The following CSMD1 variants were observed in gnomAD, a reference collection of about 807,000 sequenced individuals.
CSMD1 encodes the protein CUB and sushi domain-containing protein 1.
In CSMD1, 213 loss-of-function variants were observed where a neutral mutation model predicts 417.5. The ratio of observed to expected loss-of-function variants is 0.51; its 90% CI spans 0.46 to 0.57. The LOEUF (loss-of-function observed/expected upper bound fraction) is 0.57. Among genes scored for constraint, CSMD1 ranks in the 20% least tolerant of loss-of-function variants. The pLI, the probability that CSMD1 is intolerant of heterozygous loss-of-function variation, is 0.00. For synonymous variants in CSMD1, 2,862 were observed against 1,736.8 expected, an observed-to-expected ratio of 1.65 and a Z score of -16.11; for missense variants, 6,923 against 4,529.7, an observed-to-expected ratio of 1.53 and a Z score of -15.17.
At chr8:4,523,053 G>A (rs771096072) in intron 2 of CSMD1, among the ~76,000 whole-genome samples, 4 of 152,186 alleles carry the variant, frequency 2.6e-5, no homozygotes, top group Non-Finnish European at 5.9e-5. Flanking sequence ...AAGCTCTGCA[G>A]AGCTGCAAAA....
intron 40 of CSMD1, among the ~76,000 whole-genome samples, chr8:3,145,036 T>G (rs1334029767): frequency 8.6e-6 from 1 of 116,608 alleles, no homozygotes; most frequent in African/African-American, 2.7e-5. Context: ...TAAACTAGAG[T>G]AAAGAGTTGT....
chr8:3,656,957 C>A (rs904380813), intron 7 of CSMD1, among the ~76,000 whole-genome samples: 1 of 151,666 alleles, frequency 6.6e-6, no homozygotes, highest in Non-Finnish European at 1.5e-5. Context: ...ATCAGAGACT[C>A]ACTTTGCAAG....
intron 5 of CSMD1, among the ~76,000 whole-genome samples, chr8:3,978,599 G>A (rs1419931408): frequency 1.3e-5 from 2 of 152,072 alleles, no homozygotes; most frequent in East Asian, 3.9e-4. Context: ...GAGGCATGTT[G>A]GGGGTAAATA....
chr8:3,441,151 G>A (rs971212795), intron 12 of CSMD1, among the ~76,000 whole-genome samples: 7 of 152,086 alleles, frequency 4.6e-5, no homozygotes, highest in African/African-American at 1.4e-4. Flanking sequence ...AGGAGCATAG[G>A]AGACACTGTA....
At chr8:4,403,617 C>T (rs1275851702) in intron 3 of CSMD1, among the ~76,000 whole-genome samples, 1 of 152,184 alleles carries the variant, frequency 6.6e-6, no homozygotes, top group African/African-American at 2.4e-5. Context: ...TCCCCCTTTT[C>T]ACCATCTGGT....
At chr8:3,745,438 G>C (rs543031701) in intron 6 of CSMD1, among the ~76,000 whole-genome samples, 2 of 152,296 alleles carry the variant, frequency 1.3e-5, no homozygotes, top group African/African-American at 4.8e-5. Context: ...TTACAAACAG[G>C]TGAGTAAATG....
chr8:3,664,920 G>A (rs1343121679), intron 7 of CSMD1, among the ~76,000 whole-genome samples: 2 of 151,840 alleles, frequency 1.3e-5, no homozygotes, highest in African/African-American at 4.8e-5. Flanking sequence ...ATTTCTCAGG[G>A]TTTCATTTTG....
chr8:4,551,845 A>G lies in CSMD1; in HGVS notation c.302+85497T>C, dbSNP rs957544751. Among the ~76,000 whole-genome samples, 2 of 141,222 alleles carry G rather than the reference A, an allele frequency of 1.4e-5. 1 individual carries two copies. Among genetic ancestry groups the G allele is most frequent in the Non-Finnish European group, 3.1e-5 (2 of 65,082 alleles). 92.6% of individuals were successfully genotyped at this position (141,222 alleles called of 152,430 possible). ...TGGCTTATGCCACTACACATGGCTA[A>G]TTTTTTGTATTTTTTTTTTTTTTGT... On this transcript the variant is annotated intron_variant, in intron 2 of 69. Coordinates refer to ENST00000635120, the MANE Select transcript of CSMD1 (RefSeq NM_033225.6).
rs895909025 is a variant in CSMD1 at position 4,042,120 on chromosome 8, A to G, written c.416-10021T>C. ...AGGGACAGAAAAAAAGAAGAAAAGG[A>G]AACAAATTACCTAAAAACTTCAAAA... is the stretch of plus-strand genomic sequence containing the variant. On this transcript the variant is annotated intron_variant, in intron 3 of 69. Coordinates refer to ENST00000635120, the MANE Select transcript of CSMD1 (RefSeq NM_033225.6). Among the ~76,000 whole-genome samples, 4 of 152,200 alleles carry G rather than the reference A, an allele frequency of 2.6e-5. No homozygotes were observed. The East Asian group carries it at 7.7e-4, about 29-fold the overall frequency.
chr8:3,836,217 ATTC>A (rs1343995943), intron 5 of CSMD1, among the ~76,000 whole-genome samples: 5 of 152,116 alleles, frequency 3.3e-5, no homozygotes, highest in Non-Finnish European at 5.9e-5. Context: ...GTCATCGGAC[ATTC>A]TTTAAATATC....
chr8:3,028,888 A>T (rs1352351919), intron 51 of CSMD1, among the ~76,000 whole-genome samples: 2 of 152,210 alleles, frequency 1.3e-5, no homozygotes, highest in African/African-American at 4.8e-5. Flanking sequence ...TTAACTGCTT[A>T]TCTTGTACCT....
chr8:3,730,970 T>C (rs1052745082), intron 6 of CSMD1, among the ~76,000 whole-genome samples: 2 of 152,134 alleles, frequency 1.3e-5, no homozygotes, highest in Admixed American at 1.3e-4. Flanking sequence ...GTGGGGAAAA[T>C]TTATTTCAAA....
intron 2 of CSMD1, among the ~76,000 whole-genome samples, chr8:4,425,088 A>T (rs1797469363): frequency 6.6e-6 from 1 of 152,092 alleles, no homozygotes; most frequent in South Asian, 2.1e-4. Flanking sequence ...TTTTACATAT[A>T]TATTCGCCTA....
At chr8:4,787,718 A>T in intron 1 of CSMD1, 1 of 1,591,094 alleles carries the variant, frequency 6.3e-7, no homozygotes. Flanking sequence ...GCTGCCAATA[A>T]TGACCCACAG....
chr8:3,784,770 G>C (rs6981297), intron 5 of CSMD1, among the ~76,000 whole-genome samples: 5 of 152,006 alleles, frequency 3.3e-5, no homozygotes, highest in African/African-American at 7.3e-5. Context: ...GATACAATTA[G>C]CAATTCCACT....
chr8:3,437,554 G>C (rs866709673), intron 12 of CSMD1, among the ~76,000 whole-genome samples: 1 of 152,110 alleles, frequency 6.6e-6, no homozygotes, highest in Non-Finnish European at 1.5e-5. Flanking sequence ...CGTATCCAGG[G>C]AAAAACTGGA....
intron 5 of CSMD1, among the ~76,000 whole-genome samples, chr8:3,801,369 T>C (rs1418971408): frequency 6.6e-6 from 1 of 152,032 alleles, no homozygotes; most frequent in Non-Finnish European, 1.5e-5. Context: ...ATGCTAAAGA[T>C]CATTAGTCAT....
At chr8:3,575,571 G>A (rs909985873) in intron 9 of CSMD1, among the ~76,000 whole-genome samples, 1 of 152,126 alleles carries the variant, frequency 6.6e-6, no homozygotes, top group Non-Finnish European at 1.5e-5. Context: ...TTTAAAAAAG[G>A]GTTTTGGAGC....
At chr8:3,778,601 T>TCTC (rs1436983395) in intron 5 of CSMD1, among the ~76,000 whole-genome samples, 2 of 152,192 alleles carry the variant, frequency 1.3e-5, no homozygotes, top group East Asian at 3.9e-4. Flanking sequence ...ATCAGTGCCC[T>TCTC]CTCCTGTCTC....
Sources: gnomAD v4.1 joint callset for allele counts (sites outside exome capture counted in the v4.1 genomes callset) on GRCh38, gnomAD v4.1.1 for gene constraint, MANE v1.5 for transcripts, NCBI Gene and HGNC (gene_info 2026-07-23, HGNC 2026-07-21) for gene names.